EPDR1: variants seen among roughly 807,000 people sequenced by gnomAD.
EPDR1 encodes mammalian ependymin-related protein 1.
A neutral mutation model predicts 23.7 loss-of-function variants in EPDR1; 27 were observed. The observed-to-expected ratio is 1.14, with a 90% CI of 0.84 to 1.57. The LOEUF (loss-of-function observed/expected upper bound fraction) is 1.57, where lower values mean the gene tolerates loss of function less well. Among genes scored for constraint, EPDR1 ranks in the 40% most tolerant of loss-of-function variants. The probability of loss-of-function intolerance (pLI) is 0.00; values close to 1 mark genes in which losing one functional copy is unlikely to be tolerated. For missense variants in EPDR1, 349 were observed against 290.4 expected, an observed-to-expected ratio of 1.20 and a Z score of -1.47; for synonymous variants, 137 against 118.2, an observed-to-expected ratio of 1.16 and a Z score of -1.03.
intron 2 of EPDR1, 114 bp from the exon 3 acceptor site, chr7:37,950,086 T>C (rs1786366145): frequency 1.3e-6 from 1 of 780,612 alleles, no homozygotes; most frequent in East Asian, 2.7e-5. Context: ...CACCAAACAC[T>C]TAAAAATGGT....
chr7:37,920,873 T>A lies in EPDR1; in HGVS notation c.-67T>A. ...CGGAAAGAGCCGGCGGGAGCCACTC[T>A]GATCCCGGACGCCTCAGCGCCCCCT... On this transcript the variant is annotated 5_prime_UTR_variant, in exon 1 of 3. Coordinates refer to ENST00000199448, the MANE Select transcript of EPDR1 (RefSeq NM_017549.5). 1 of 1,611,518 alleles carries A rather than the reference T, an allele frequency of 6.2e-7. No individual in the cohort carries two copies.
chr7:37,950,244 G>C lies in EPDR1; in HGVS notation c.523G>C (p.Val175Leu). 1 of 1,614,070 alleles carries C rather than the reference G, an allele frequency of 6.2e-7. No homozygotes were observed. The highest frequency in any genetic ancestry group is 8.5e-7 in the Non-Finnish European group (1 of 1,179,990). ...GIYTVKDCYP[V>L]QETFTINYSV... ...CTATACAGTCAAGGATTGCTATCCT[G>C]TCCAGGAAACCTTTACCATAAACTA... Residue 175 changes from valine (V) to leucine (L), a missense_variant, in exon 3 of 3, where the codon GTC (valine) becomes CTC (leucine). Val to Leu is a conservative substitution (Grantham distance 32). Transcript: ENST00000199448.
At chr7:37,945,038 G>A (rs529815381) in intron 1 of EPDR1, among the ~76,000 whole-genome samples, 5 of 152,280 alleles carry the variant, frequency 3.3e-5, no homozygotes, top group Non-Finnish European at 7.4e-5. Flanking sequence ...TTTTTGGGTG[G>A]CCCACGGGTC....
At chr7:37,935,710 A>G (rs1019181056) in intron 1 of EPDR1, among the ~76,000 whole-genome samples, 10 of 151,732 alleles carry the variant, frequency 6.6e-5, no homozygotes, top group African/African-American at 1.7e-4. Flanking sequence ...AACTTTTAGT[A>G]TCTTTTCTAA....
intron 2 of EPDR1, 138 bp downstream of exon 2, chr7:37,949,186 G>A: frequency 1.4e-6 from 1 of 734,182 alleles, no homozygotes; most frequent in South Asian, 1.9e-5. Context: ...AGGTCTGCAG[G>A]TTACTTTGCT....
In EPDR1 at chr7:37,920,832, C is replaced by T; in HGVS notation, c.-108C>T. ...ACAGGAAGCACTTTGGTCCAGACCA[C>T]ACTCCCGGCACAGTGCGGAAAGAGC... On this transcript the variant is annotated 5_prime_UTR_variant, in exon 1 of 3. Coordinates refer to ENST00000199448, the MANE Select transcript of EPDR1 (RefSeq NM_017549.5). 2 of 1,610,442 alleles carry T rather than the reference C, an allele frequency of 1.2e-6. No individual in the cohort carries two copies. The highest frequency in any genetic ancestry group is 1.7e-6 in the Non-Finnish European group (2 of 1,178,484).
At chr7:37,942,340 T>C (rs1387680000) in intron 1 of EPDR1, among the ~76,000 whole-genome samples, 2 of 152,208 alleles carry the variant, frequency 1.3e-5, no homozygotes, top group Non-Finnish European at 2.9e-5. Context: ...TTTGAAGATA[T>C]TATATTGACT....
At chr7:37,937,637 G>T (rs549695408) in intron 1 of EPDR1, among the ~76,000 whole-genome samples, 5 of 152,182 alleles carry the variant, frequency 3.3e-5, no homozygotes, top group South Asian at 2.1e-4. Context: ...CTCTTTGAAA[G>T]GTTAGTGACT....
chr7:37,936,544 G>A (rs1786057098), intron 1 of EPDR1, among the ~76,000 whole-genome samples: 1 of 152,080 alleles, frequency 6.6e-6, no homozygotes, highest in Admixed American at 6.5e-5. Context: ...CTCTATCAAT[G>A]ATATGGATAT....
rs781092050 is a variant in EPDR1 at position 37,920,906 on chromosome 7, G to A, written c.-34G>A. 1.2e-6 allele frequency: 2 copies of A among 1,611,332 alleles called. No individual in the cohort carries two copies. Among genetic ancestry groups the A allele is most frequent in the South Asian group, 2.2e-5 (2 of 90,908 alleles). On this transcript the variant is annotated 5_prime_UTR_variant, in exon 1 of 3. Coordinates refer to ENST00000199448, the MANE Select transcript of EPDR1 (RefSeq NM_017549.5). ...GACGCCTCAGCGCCCCCTTGGGCTT[G>A]GGCTTGCCCTCGGGCCGGGGAAGGC...
rs752536687 is a variant in EPDR1, at chr7:37,935,993, C to CATATATAT, written c.270-12807_270-12800dup. ...TGATTTGGGAACTAGCAAATCATGG[C>CATATATAT]ATATATATATATATATATATATATA... On this transcript the variant is annotated intron_variant, in intron 1 of 2. Transcript: ENST00000199448. Among the ~76,000 whole-genome samples the CATATATAT allele has an allele frequency of 2.2e-4, 10 of 45,588 alleles. 1 individual carries two copies. The highest frequency in any genetic ancestry group is 2.8e-4 in the African/African-American group (4 of 14,112). 29.9% of individuals were successfully genotyped at this position (45,588 alleles called of 152,430 possible).
intron 1 of EPDR1, among the ~76,000 whole-genome samples, chr7:37,938,213 A>G (rs1401357412): frequency 6.6e-6 from 1 of 151,812 alleles, no homozygotes; most frequent in Non-Finnish European, 1.5e-5. Context: ...GATGGTCTCC[A>G]TCTCCTTACC....
At chr7:37,946,052 A>G (rs1190047175) in intron 1 of EPDR1, among the ~76,000 whole-genome samples, 1 of 152,162 alleles carries the variant, frequency 6.6e-6, no homozygotes, top group Non-Finnish European at 1.5e-5. Flanking sequence ...AAAGGACATG[A>G]TCTTGTTCCT....
At chr7:37,932,273 T>G (rs146210058) in intron 1 of EPDR1, among the ~76,000 whole-genome samples, 1 of 152,154 alleles carries the variant, frequency 6.6e-6, no homozygotes, top group Non-Finnish European at 1.5e-5. Flanking sequence ...AAGCCATGAC[T>G]GCATTTTTAA....
chr7:37,947,392 G>T (rs1786298157), intron 1 of EPDR1, among the ~76,000 whole-genome samples: 1 of 152,192 alleles, frequency 6.6e-6, no homozygotes, highest in Non-Finnish European at 1.5e-5. Flanking sequence ...GTGCAGTGAT[G>T]AAATAGCCTA....
At chr7:37,922,973 C>T (rs1785740374) in intron 1 of EPDR1, among the ~76,000 whole-genome samples, 1 of 152,122 alleles carries the variant, frequency 6.6e-6, no homozygotes, top group Non-Finnish European at 1.5e-5. Context: ...GACTGCTGGT[C>T]CAGGGGGATG....
intron 1 of EPDR1, among the ~76,000 whole-genome samples, chr7:37,926,424 G>A (rs949073940): frequency 7.6e-6 from 1 of 131,648 alleles, no homozygotes; most frequent in African/African-American, 2.8e-5. Context: ...TTGACCATCT[G>A]AAATTCAGGT....
chr7:37,938,015 G>C lies in EPDR1; in HGVS notation c.270-10825G>C, dbSNP rs1309402884. Among the ~76,000 whole-genome samples, 4 of 60,826 alleles carry C rather than the reference G, an allele frequency of 6.6e-5. No homozygotes were observed. The Admixed American group carries it at 8.0e-4, about 12-fold the overall frequency. 39.9% of individuals were successfully genotyped at this position (60,826 alleles called of 152,430 possible). ...TTTTTTTTTTTTTTTTTTTGAGATGGAGCCTTTCTCTGCCGCCCAGGCTAG... is the reference window on the plus strand; with the variant it reads ...TTTTTTTTTTTTTTTTTTTGAGATGCAGCCTTTCTCTGCCGCCCAGGCTAG... On this transcript the variant is annotated intron_variant, in intron 1 of 2. Transcript: ENST00000199448.
At chr7:37,944,824 G>A (rs1264112122) in intron 1 of EPDR1, among the ~76,000 whole-genome samples, 3 of 152,174 alleles carry the variant, frequency 2.0e-5, no homozygotes, top group African/African-American at 7.2e-5. Flanking sequence ...CTGTGGATTT[G>A]GGGAGTGATG....
Sources: gnomAD v4.1 joint callset for allele counts (sites outside exome capture counted in the v4.1 genomes callset) on GRCh38, gnomAD v4.1.1 for gene constraint, MANE v1.5 for transcripts, NCBI Gene and HGNC (gene_info 2026-07-23, HGNC 2026-07-21) for gene names.